Variants in NEK10 observed in about 807,000 individuals in gnomAD.
NEK10 encodes NIMA related kinase 10.
NEK10 carries 122 observed loss-of-function variants against 159.8 expected under a neutral mutation model. The ratio of observed to expected loss-of-function variants is 0.76; its 90% CI spans 0.66 to 0.89. The LOEUF (loss-of-function observed/expected upper bound fraction) is 0.89, where lower values mean the gene tolerates loss of function less well. Among genes scored for constraint, NEK10 ranks in the 40% least tolerant of loss-of-function variants. The pLI, the probability that NEK10 is intolerant of heterozygous loss-of-function variation, is 0.00. For synonymous variants in NEK10, 466 were observed against 457.1 expected, an observed-to-expected ratio of 1.02 and a Z score of -0.25; for missense variants, 1,342 against 1,323.1, an observed-to-expected ratio of 1.01 and a Z score of -0.22.
intron 5 of NEK10, among the ~76,000 whole-genome samples, chr3:27,323,606 A>G (rs948300459): frequency 1.3e-5 from 2 of 151,656 alleles, no homozygotes; most frequent in East Asian, 3.9e-4. Context: ...AGAGGGGGGA[A>G]AAAAAAACCT....
rs532143872 is a variant in NEK10 at position 27,150,572 on chromosome 3, T to C, written c.2870-8990A>G. 3.3e-5 allele frequency among the ~76,000 whole-genome samples: 5 copies of C among 152,332 alleles called. No homozygotes were observed. The South Asian group carries it at 1.0e-3, about 32-fold the overall frequency. On this transcript the variant is annotated intron_variant, in intron 30 of 35. Transcript: ENST00000691995. The stretch of plus-strand genomic sequence containing the variant: ...TTTTAAGCCAACTCTTGAGATCTAC[T>C]GCCCTGAAATAAAGATTCCTATCAA...
intron 23 of NEK10, among the ~76,000 whole-genome samples, chr3:27,238,641 T>C (rs975628417): frequency 6.6e-6 from 1 of 151,944 alleles, no homozygotes; most frequent in Non-Finnish European, 1.5e-5. Flanking sequence ...ATATATGCCA[T>C]TGGTAACCTA....
chr3:27,148,643 G>A (rs910286296), intron 30 of NEK10, among the ~76,000 whole-genome samples: 1 of 152,142 alleles, frequency 6.6e-6, no homozygotes, highest in South Asian at 2.1e-4. Flanking sequence ...ACTAATAATG[G>A]CAATTTGGAA....
chr3:27,233,117 G>A (rs997790960), intron 23 of NEK10, among the ~76,000 whole-genome samples: 1 of 152,072 alleles, frequency 6.6e-6, no homozygotes, highest in African/African-American at 2.4e-5. Flanking sequence ...CACAGAGTGG[G>A]AGAAAATATT....
At chr3:27,246,906 C>T (rs899867579) in intron 23 of NEK10, among the ~76,000 whole-genome samples, 4 of 152,032 alleles carry the variant, frequency 2.6e-5, no homozygotes, top group East Asian at 1.9e-4. Flanking sequence ...TCACATTGTG[C>T]GCTGTTGGTG....
chr3:27,200,042 A>G (rs754629886), intron 25 of NEK10, among the ~76,000 whole-genome samples: 11 of 152,168 alleles, frequency 7.2e-5, no homozygotes, highest in Non-Finnish European at 1.3e-4. Context: ...GAAACAATCT[A>G]TACAACAAAC....
chr3:27,200,843 G>A (rs942414275), intron 25 of NEK10, among the ~76,000 whole-genome samples: 2 of 152,112 alleles, frequency 1.3e-5, no homozygotes, highest in Non-Finnish European at 2.9e-5. Flanking sequence ...AGAGTTCTAG[G>A]AAACCATGAA....
At chr3:27,233,480 T>C (rs1953543370) in intron 23 of NEK10, among the ~76,000 whole-genome samples, 1 of 152,054 alleles carries the variant, frequency 6.6e-6, no homozygotes, top group Non-Finnish European at 1.5e-5. Context: ...ACAATCACTA[T>C]GGAAAACTGT....
At chr3:27,234,935 C>A (rs1005171040) in intron 23 of NEK10, among the ~76,000 whole-genome samples, 1 of 151,812 alleles carries the variant, frequency 6.6e-6, no homozygotes, top group Admixed American at 6.6e-5. Flanking sequence ...CAATGGAACA[C>A]AATAGATAAT....
At chr3:27,326,030 A>G (rs944501369) in intron 5 of NEK10, among the ~76,000 whole-genome samples, 3 of 152,198 alleles carry the variant, frequency 2.0e-5, no homozygotes, top group African/African-American at 7.2e-5. Context: ...GAATTATCCA[A>G]GGCCACATCC....
chr3:27,174,391 C>T (rs1170036683), intron 28 of NEK10, 48 bp downstream of exon 28: 2 of 1,604,468 alleles, frequency 1.2e-6, no homozygotes, highest in African/African-American at 2.7e-5. Context: ...TTCCAAACCA[C>T]TGTCTTCCGG....
chr3:27,362,064 A>G (rs1396845802), intron 1 of NEK10, among the ~76,000 whole-genome samples: 1 of 152,188 alleles, frequency 6.6e-6, no homozygotes, highest in African/African-American at 2.4e-5. Context: ...CAAAAAGCAG[A>G]AAAAAATGTC....
intron 23 of NEK10, among the ~76,000 whole-genome samples, chr3:27,207,242 A>T (rs1055067454): frequency 5.3e-5 from 8 of 152,198 alleles, no homozygotes; most frequent in African/African-American, 1.9e-4. Flanking sequence ...TAAGATGATA[A>T]TATTTGACAA....
intron 1 of NEK10, among the ~76,000 whole-genome samples, chr3:27,358,728 C>T (rs2048480145): frequency 6.6e-6 from 1 of 152,166 alleles, no homozygotes; most frequent in Admixed American, 6.5e-5. Context: ...GCCTTAGCTA[C>T]TCAAAAGATC....
intron 22 of NEK10, among the ~76,000 whole-genome samples, chr3:27,257,858 G>A (rs1450731893): frequency 6.8e-6 from 1 of 148,032 alleles, no homozygotes; most frequent in African/African-American, 2.6e-5. Flanking sequence ...GCGCAATCTC[G>A]GCTTACTGCA....
intron 23 of NEK10, among the ~76,000 whole-genome samples, chr3:27,220,076 G>T (rs1388919148): frequency 2.0e-5 from 3 of 152,078 alleles, no homozygotes; most frequent in East Asian, 1.9e-4. Context: ...TTTTAAAAAA[G>T]ACCTAAATAA....
rs531877504 is a variant in NEK10 at position 27,279,132 on chromosome 3, T to A, written c.2014+5470A>T. Among the ~76,000 whole-genome samples the A allele has an allele frequency of 2.6e-5, 4 of 152,320 alleles. No homozygotes were observed. In the East Asian group the frequency reaches 5.8e-4, roughly 22 times the overall value. ...TCAAAGCAAACTCCTGCCAGCATGCTTACTATAAATAAGTGCAAACCAACC... is the reference window on the plus strand; with the variant it reads ...TCAAAGCAAACTCCTGCCAGCATGCATACTATAAATAAGTGCAAACCAACC... On this transcript the variant is annotated intron_variant, in intron 22 of 35. Transcript: ENST00000691995.
chr3:27,112,270 ATTCTC>A (rs1939678905), intron 35 of NEK10, among the ~76,000 whole-genome samples: 1 of 152,158 alleles, frequency 6.6e-6, no homozygotes, highest in African/African-American at 2.4e-5. Context: ...GCACCTCTCT[ATTCTC>A]TTCCTTAACT....
intron 22 of NEK10, among the ~76,000 whole-genome samples, chr3:27,263,355 G>C (rs532563439): frequency 1.3e-5 from 2 of 152,316 alleles, no homozygotes; most frequent in African/African-American, 4.8e-5. Context: ...GTCAGACAGG[G>C]ACATTTAAGT....
Sources: allele counts gnomAD v4.1 joint callset (sites outside exome capture counted in the v4.1 genomes callset), GRCh38; gene constraint gnomAD v4.1.1; transcripts MANE v1.5; gene names NCBI Gene and HGNC (gene_info 2026-07-23, HGNC 2026-07-21).